The following NRXN1 variants were observed in gnomAD, a reference collection of about 807,000 sequenced individuals.
The protein encoded by NRXN1 is neurexin 1, also known as neurexin-1.
A neutral mutation model predicts 150.9 loss-of-function variants in NRXN1; 39 were observed. That is an observed-to-expected ratio of 0.26 (90% CI 0.20 to 0.34). The LOEUF (loss-of-function observed/expected upper bound fraction) is 0.34, where lower values mean the gene tolerates loss of function less well. Among genes scored for constraint, NRXN1 ranks in the 10% least tolerant of loss-of-function variants. The pLI is 1.00. For missense variants in NRXN1, 1,815 were observed against 1,949.9 expected (o/e 0.93, Z 1.30); for synonymous variants, 924 against 757.0 (o/e 1.22, Z -3.62).
intron 8 of NRXN1, among the ~76,000 whole-genome samples, chr2:50,605,085 C>T (rs1298995929): frequency 6.6e-6 from 1 of 152,092 alleles, no homozygotes; most frequent in Non-Finnish European, 1.5e-5. Context: ...GCAATAAATG[C>T]TATGATAGAG....
chr2:50,590,004 A>G (rs568400292), intron 8 of NRXN1, among the ~76,000 whole-genome samples: 9 of 152,370 alleles, frequency 5.9e-5, no homozygotes, highest in African/African-American at 2.2e-4. Flanking sequence ...GAATGTATAC[A>G]CAAATGAATA....
chr2:50,817,643 A>G (rs1669121296), intron 5 of NRXN1, among the ~76,000 whole-genome samples: 1 of 152,104 alleles, frequency 6.6e-6, no homozygotes, highest in Non-Finnish European at 1.5e-5. Flanking sequence ...CAGCATATTA[A>G]AAGTATCATA....
intron 8 of NRXN1, among the ~76,000 whole-genome samples, chr2:50,613,149 GA>G (rs908803588): frequency 3.9e-5 from 6 of 152,098 alleles, no homozygotes; most frequent in Non-Finnish European, 7.4e-5. Context: ...AAATCAGGTA[GA>G]AAAAAAATTT....
At chr2:50,974,679 G>GT (rs973960504) in intron 2 of NRXN1, among the ~76,000 whole-genome samples, 12 of 151,422 alleles carry the variant, frequency 7.9e-5, no homozygotes, top group East Asian at 1.9e-4. Flanking sequence ...ATCCCTATCT[G>GT]TTTTTTTTCC....
chr2:50,992,027 C>T (rs551947889), intron 2 of NRXN1, among the ~76,000 whole-genome samples: 6 of 151,954 alleles, frequency 3.9e-5, no homozygotes, highest in South Asian at 2.1e-4. Flanking sequence ...AGACTCAATC[C>T]GAGAGGGGAT....
chr2:49,967,373 C>A (rs1014439976), intron 21 of NRXN1, among the ~76,000 whole-genome samples: 2 of 151,878 alleles, frequency 1.3e-5, no homozygotes, highest in Non-Finnish European at 2.9e-5. Flanking sequence ...TATAAAATGA[C>A]AAAGCTGTGA....
At chr2:50,779,565 G>A (rs1312315409) in intron 5 of NRXN1, among the ~76,000 whole-genome samples, 23 of 152,106 alleles carry the variant, frequency 1.5e-4, no homozygotes, top group African/African-American at 4.6e-4. Flanking sequence ...TCAGGAGACC[G>A]AGACCATCCT....
intron 8 of NRXN1, 97 bp downstream of exon 8, chr2:50,619,925 C>A: frequency 8.8e-7 from 1 of 1,136,830 alleles, no homozygotes; most frequent in Non-Finnish European, 1.2e-6. Context: ...TGCCGTTTGA[C>A]TCTGGAACAT....
At position 50,770,650 on chromosome 2, in the gene NRXN1, G is replaced by T. The variant is rs1409119086; in HGVS notation, c.833-147035C>A. On this transcript the variant is annotated intron_variant, in intron 5 of 22. Coordinates refer to ENST00000401669, the MANE Select transcript of NRXN1 (RefSeq NM_001330078.2). ...TACAATTAAATTTTTTATATCTATT[G>T]TAGGAAATAAATTCAGCATATTCTT... Among the ~76,000 whole-genome samples the T allele has an allele frequency of 2.6e-5, 4 of 152,008 alleles. No homozygotes were observed. The South Asian group carries it at 6.2e-4, about 24-fold the overall frequency.
At chr2:50,136,675 C>T (rs1706457752) in intron 18 of NRXN1, among the ~76,000 whole-genome samples, 1 of 152,212 alleles carries the variant, frequency 6.6e-6, no homozygotes, top group Non-Finnish European at 1.5e-5. Flanking sequence ...GGTCTCTGTC[C>T]TAATCAGGCA....
chr2:50,313,326 A>T (rs2075330742), intron 17 of NRXN1, among the ~76,000 whole-genome samples: 1 of 152,052 alleles, frequency 6.6e-6, no homozygotes, highest in Non-Finnish European at 1.5e-5. Context: ...CTTCACTGAC[A>T]CTAATATTGC....
intron 17 of NRXN1, among the ~76,000 whole-genome samples, chr2:50,387,304 T>C (rs75916601): frequency 4.0e-4 from 61 of 152,286 alleles, no homozygotes; most frequent in East Asian, 1.5e-3. Context: ...ACAATTATAA[T>C]GGACTTCAGG....
At chr2:50,749,023 C>T (rs988497801) in intron 5 of NRXN1, among the ~76,000 whole-genome samples, 2 of 152,072 alleles carry the variant, frequency 1.3e-5, no homozygotes, top group African/African-American at 4.8e-5. Flanking sequence ...CTTTGTAAAG[C>T]ACTGGTCTAA....
At chr2:50,376,367 GAA>G (rs775121470) in intron 17 of NRXN1, among the ~76,000 whole-genome samples, 28 of 103,656 alleles carry the variant, frequency 2.7e-4, no homozygotes, top group African/African-American at 5.4e-4. Flanking sequence ...GAAGCAAAAT[GAA>G]AAAAAAAAAA....
chr2:49,971,571 C>A (rs911975722), intron 21 of NRXN1, among the ~76,000 whole-genome samples: 3 of 152,082 alleles, frequency 2.0e-5, no homozygotes, highest in African/African-American at 7.2e-5. Flanking sequence ...AATATTTATC[C>A]TTTATTACTG....
intron 2 of NRXN1, among the ~76,000 whole-genome samples, chr2:51,010,470 T>A (rs753261564): frequency 2.0e-5 from 3 of 151,986 alleles, no homozygotes; most frequent in Non-Finnish European, 2.9e-5. Flanking sequence ...TATACACAGC[T>A]CTACCATAAT....
intron 17 of NRXN1, among the ~76,000 whole-genome samples, chr2:50,338,368 A>G (rs1298910713): frequency 6.6e-6 from 1 of 152,196 alleles, no homozygotes; most frequent in Admixed American, 6.5e-5. Context: ...CCAATATGAC[A>G]TAATTTTCAG....
At chr2:50,525,003 T>C (rs530884016) in intron 12 of NRXN1, among the ~76,000 whole-genome samples, 3 of 152,314 alleles carry the variant, frequency 2.0e-5, no homozygotes, top group South Asian at 2.1e-4. Context: ...TTGGCAGATA[T>C]AAAGAATGCA....
intron 18 of NRXN1, among the ~76,000 whole-genome samples, chr2:50,126,958 G>A (rs1327736759): frequency 6.6e-6 from 1 of 152,034 alleles, no homozygotes; most frequent in Non-Finnish European, 1.5e-5. Flanking sequence ...AATAAACCTG[G>A]AGCTTTCACA....
Sources: gnomAD v4.1 joint callset for allele counts (sites outside exome capture counted in the v4.1 genomes callset) on GRCh38, gnomAD v4.1.1 for gene constraint, MANE v1.5 for transcripts, NCBI Gene and HGNC (gene_info 2026-07-23, HGNC 2026-07-21) for gene names.